The following ERBB4 variants were observed in gnomAD, a reference collection of about 807,000 sequenced individuals.
ERBB4 encodes receptor tyrosine-protein kinase erbB-4.
In ERBB4, 42 loss-of-function variants were observed where a neutral mutation model predicts 158.0. The observed-to-expected ratio is 0.27, with a 90% confidence interval of 0.21 to 0.34. ERBB4 has a LOEUF of 0.34. Ranked by LOEUF, ERBB4 falls within the 10% of genes least tolerant of loss-of-function variation. ERBB4 has a pLI of 1.00. For synonymous variants in ERBB4, 583 were observed against 558.7 expected, an observed-to-expected ratio of 1.04 and a Z score of -0.61; for missense variants, 1,333 against 1,624.1, an observed-to-expected ratio of 0.82 and a Z score of 3.08.
intron 2 of ERBB4, among the ~76,000 whole-genome samples, chr2:211,992,324 A>G (rs2082092398): frequency 6.6e-6 from 1 of 152,120 alleles, no homozygotes; most frequent in Admixed American, 6.6e-5. Flanking sequence ...AGGAGGAAAC[A>G]AAAGCAGAAA....
chr2:212,288,962 G>C (rs932286131), intron 1 of ERBB4, among the ~76,000 whole-genome samples: 1 of 152,140 alleles, frequency 6.6e-6, no homozygotes, highest in Non-Finnish European at 1.5e-5. Context: ...TTCTGGAAGA[G>C]GATAGAGAGT....
chr2:211,711,994 C>A, intron 9 of ERBB4, 56 bp downstream of exon 9: 1 of 1,449,186 alleles, frequency 6.9e-7, no homozygotes, highest in Non-Finnish European at 9.7e-7. Flanking sequence ...ACTAAAGAAT[C>A]TCTTCAGTTT....
chr2:211,394,656 C>G (rs995184966), intron 25 of ERBB4, among the ~76,000 whole-genome samples: 1 of 152,030 alleles, frequency 6.6e-6, no homozygotes, highest in African/African-American at 2.4e-5. Flanking sequence ...AATCATCAAG[C>G]CTTTTCGATG....
Position 211,944,142 on chromosome 2 carries a change from ACATATACAC to A in ERBB4, c.421+3279_421+3287del, listed in dbSNP as rs1486403396. On this transcript the variant is annotated intron_variant, in intron 3 of 27. Coordinates refer to ENST00000342788, the MANE Select transcript of ERBB4 (RefSeq NM_005235.3). ...TATACACACTATATATGTACACTATACATATACACTATATATATACACTATATATATATA... is the reference window on the plus strand; with the variant it reads ...TATACACACTATATATGTACACTATATATATATATACACTATATATATATA... Among the ~76,000 whole-genome samples the A allele has an allele frequency of 5.1e-3, 708 of 140,168 alleles. 9 individuals carry two copies. Among genetic ancestry groups the A allele is most frequent in the African/African-American group, 0.015 (553 of 37,144 alleles). 92.0% of individuals were successfully genotyped at this position (140,168 alleles called of 152,430 possible).
chr2:212,309,442 T>C (rs1374973099), intron 1 of ERBB4, among the ~76,000 whole-genome samples: 1 of 150,864 alleles, frequency 6.6e-6, no homozygotes, highest in Non-Finnish European at 1.5e-5. Context: ...TTTAGTCCTT[T>C]TTCATGTTTA....
chr2:211,965,030 C>A (rs922722730), intron 2 of ERBB4, among the ~76,000 whole-genome samples: 6 of 152,182 alleles, frequency 3.9e-5, no homozygotes, highest in Non-Finnish European at 7.3e-5. Context: ...TTCCTCCACA[C>A]AGACTATTAC....
At position 211,386,852 on chromosome 2, in the gene ERBB4, C is replaced by T. The variant is rs1559116228; in HGVS notation, c.3481+1G>A. 1 of 1,613,966 alleles carries T rather than the reference C, an allele frequency of 6.2e-7. No individual in the cohort carries two copies. Among genetic ancestry groups the T allele is most frequent in the Non-Finnish European group, 8.5e-7 (1 of 1,179,890 alleles). On this transcript the variant is annotated splice_donor_variant, in intron 27 of 27. Coordinates refer to ENST00000342788, the MANE Select transcript of ERBB4 (RefSeq NM_005235.3). LOFTEE classifies it high-confidence loss of function. ...ATCGTTTCTGAATAATCAGTTCATA[C>T]CTTGTTTGGGTTTGTCTCGCATAGG...
rs1279482810 is a variant in ERBB4 at position 211,772,953 on chromosome 2, A to ATTTTT, written c.556+15071_556+15072insAAAAA. Among the ~76,000 whole-genome samples the ATTTTT allele has an allele frequency of 2.3e-4, 18 of 77,094 alleles. 1 individual carries two copies. Among genetic ancestry groups the ATTTTT allele is most frequent in the African/African-American group, 9.1e-4 (15 of 16,460 alleles). 50.6% of individuals were successfully genotyped at this position (77,094 alleles called of 152,430 possible). On this transcript the variant is annotated intron_variant, in intron 4 of 27. Coordinates refer to ENST00000342788, the MANE Select transcript of ERBB4 (RefSeq NM_005235.3). ...TATATATATATATATATATATATATATATTTTTTTTTTTAAAGATGGGGTC... is the reference window on the plus strand; with the variant it reads ...TATATATATATATATATATATATATATTTTTTATTTTTTTTTTTAAAGATGGGGTC...
At chr2:212,212,144 T>C (rs929024572) in intron 1 of ERBB4, among the ~76,000 whole-genome samples, 5 of 152,118 alleles carry the variant, frequency 3.3e-5, no homozygotes, top group Non-Finnish European at 5.9e-5. Flanking sequence ...CCATACTGTC[T>C]TCCTCAATGG....
chr2:212,493,756 G>T (rs1690411145), intron 1 of ERBB4, among the ~76,000 whole-genome samples: 2 of 151,678 alleles, frequency 1.3e-5, no homozygotes, highest in South Asian at 2.1e-4. Context: ...TTGCCTTTTA[G>T]CTTCTTTATG....
chr2:212,026,923 G>A lies in ERBB4; in HGVS notation c.235-79307C>T, dbSNP rs540161170. ...TTCATTAAAATAAGTAGACAAAATT[G>A]CTTTTCCATAAAAATAACATACTAT... On this transcript the variant is annotated intron_variant, in intron 2 of 27. Transcript: ENST00000342788. Among the ~76,000 whole-genome samples the A allele has an allele frequency of 2.5e-3, 386 of 151,786 alleles. 1 individual carries two copies. Among genetic ancestry groups the A allele is most frequent in the African/African-American group, 8.9e-3 (371 of 41,476 alleles).
intron 3 of ERBB4, among the ~76,000 whole-genome samples, chr2:211,846,448 A>C (rs996331374): frequency 2.0e-5 from 3 of 152,130 alleles, no homozygotes; most frequent in Admixed American, 2.0e-4. Context: ...TCCACTCTGT[A>C]AACCATCTGA....
Position 212,396,371 on chromosome 2 carries a change from A to G in ERBB4, c.82+142078T>C, listed in dbSNP as rs73060386. On this transcript the variant is annotated intron_variant, in intron 1 of 27. Coordinates refer to ENST00000342788, the MANE Select transcript of ERBB4 (RefSeq NM_005235.3). The stretch of plus-strand genomic sequence containing the variant: ...GAAGCCATATAGTTCAGTGATTCTA[A>G]TGCTAGATTGTCTGAATTCAAACCC... Among the ~76,000 whole-genome samples the G allele has an allele frequency of 8.0e-3, 1,212 of 152,246 alleles. 8 individuals carry two copies. Among genetic ancestry groups the G allele is most frequent in the African/African-American group, 0.026 (1,097 of 41,564 alleles).
intron 2 of ERBB4, among the ~76,000 whole-genome samples, chr2:212,065,523 A>T (rs1317481739): frequency 2.6e-5 from 4 of 152,086 alleles, no homozygotes; most frequent in Non-Finnish European, 5.9e-5. Flanking sequence ...TGTCTAAGTT[A>T]ATATCCAGAT....
At chr2:212,311,251 T>G (rs1416708782) in intron 1 of ERBB4, among the ~76,000 whole-genome samples, 35 of 150,670 alleles carry the variant, frequency 2.3e-4, no homozygotes, top group Admixed American at 2.2e-3. Context: ...GGAATACTAC[T>G]GGCAGAATAT....
intron 2 of ERBB4, among the ~76,000 whole-genome samples, chr2:211,987,073 A>C (rs541739732): frequency 1.3e-5 from 2 of 152,178 alleles, no homozygotes; most frequent in East Asian, 3.9e-4. Flanking sequence ...GTAATCCCAA[A>C]ACTTTGGGAG....
intron 20 of ERBB4, among the ~76,000 whole-genome samples, chr2:211,529,045 T>G (rs1326553185): frequency 6.9e-6 from 1 of 145,488 alleles, no homozygotes; most frequent in Non-Finnish European, 1.5e-5. Flanking sequence ...AAACAAAAGA[T>G]CAACAGAACA....
intron 1 of ERBB4, among the ~76,000 whole-genome samples, chr2:212,384,055 T>C (rs535044259): frequency 6.6e-6 from 1 of 151,772 alleles, no homozygotes; most frequent in East Asian, 1.9e-4. Context: ...TGTTGTATTT[T>C]AGAATAAAGG....
chr2:212,234,507 A>G (rs1029179635), intron 1 of ERBB4, among the ~76,000 whole-genome samples: 4 of 152,170 alleles, frequency 2.6e-5, no homozygotes, highest in African/African-American at 9.7e-5. Flanking sequence ...CAGTAATGGG[A>G]TTGCTGGGTC....
Sources: allele counts gnomAD v4.1 joint callset (sites outside exome capture counted in the v4.1 genomes callset), GRCh38; gene constraint gnomAD v4.1.1; transcripts MANE v1.5; gene names NCBI Gene and HGNC (gene_info 2026-07-23, HGNC 2026-07-21).